Variants in ARID1A observed in about 807,000 individuals in gnomAD.
The protein encoded by ARID1A is AT-rich interaction domain 1A.
A neutral mutation model predicts 212.6 loss-of-function variants in ARID1A; 20 were observed. The observed-to-expected ratio is 0.09, with a 90% CI of 0.07 to 0.14. ARID1A has a LOEUF of 0.14. Ranked by LOEUF, ARID1A falls within the 10% of genes least tolerant of loss-of-function variation. The pLI, the probability that ARID1A is intolerant of heterozygous loss-of-function variation, is 1.00. For missense variants in ARID1A, 2,587 were observed against 3,059.0 expected (o/e 0.85, Z 3.64); for synonymous variants, 1,376 against 1,222.1 (o/e 1.13, Z -2.63).
intron 4 of ARID1A, among the ~76,000 whole-genome samples, chr1:26,748,009 A>G (rs549395792): frequency 2.1e-4 from 32 of 152,246 alleles, no homozygotes; most frequent in African/African-American, 7.2e-4. Context: ...TTAAGATTCT[A>G]TCCATTTCTC....
At chr1:26,714,225 G>A (rs1187217792) in intron 1 of ARID1A, among the ~76,000 whole-genome samples, 1 of 152,114 alleles carries the variant, frequency 6.6e-6, no homozygotes, top group Non-Finnish European at 1.5e-5. Flanking sequence ...ATGAAGTGAG[G>A]GTCTCCTGTA....
chr1:26,768,023 C>A (rs759677852), intron 11 of ARID1A, 24 bp downstream of exon 11: 1 of 1,610,330 alleles, frequency 6.2e-7, no homozygotes, highest in Non-Finnish European at 8.5e-7. Flanking sequence ...TGACACTTGA[C>A]TGCCCCTGTG....
intron 7 of ARID1A, among the ~76,000 whole-genome samples, 167 bp from the exon 8 acceptor site, chr1:26,762,806 A>G (rs888579585): frequency 2.0e-5 from 3 of 152,198 alleles, no homozygotes; most frequent in African/African-American, 7.2e-5. Flanking sequence ...CTGCCTTTAC[A>G]TGCTTCTGGA....
In ARID1A at chr1:26,773,207, C is replaced by A; in HGVS notation, c.3716-139C>A. On this transcript the variant is annotated intron_variant, in intron 14 of 19. Coordinates refer to ENST00000324856, the MANE Select transcript of ARID1A (RefSeq NM_006015.6). ...AGTACATGCTTTTCGCTGGTTGGGGCCTCTTTAGATCTCTGTTTTGAACTT... is the reference window on the plus strand; with the variant it reads ...AGTACATGCTTTTCGCTGGTTGGGGACTCTTTAGATCTCTGTTTTGAACTT... The A allele has an allele frequency of 3.8e-6, 5 of 1,321,910 alleles. No homozygotes were observed. In the South Asian group the frequency reaches 7.5e-5, roughly 20 times the overall value. 81.9% of individuals were successfully genotyped at this position (1,321,910 alleles called of 1,614,324 possible). A position where few individuals can be genotyped will look rare whatever the true frequency, so the allele number is the denominator to read the frequency against.
chr1:26,728,334 T>C (rs1470833216), intron 1 of ARID1A, among the ~76,000 whole-genome samples: 2 of 152,200 alleles, frequency 1.3e-5, no homozygotes, highest in African/African-American at 4.8e-5. Flanking sequence ...CTACTTCCTC[T>C]ACTATAAAAC....
intron 1 of ARID1A, among the ~76,000 whole-genome samples, chr1:26,724,294 C>A (rs2080595776): frequency 6.6e-6 from 1 of 152,092 alleles, no homozygotes; most frequent in Non-Finnish European, 1.5e-5. Flanking sequence ...CTGGCCCAAC[C>A]CTCTCTGTTC....
At chr1:26,778,194 G>T (rs1245047500) in intron 19 of ARID1A, 1 of 151,970 alleles carries the variant, frequency 6.6e-6, no homozygotes, top group African/African-American at 2.4e-5. Flanking sequence ...AACCCAGGAG[G>T]CGGAGGCTGC....
At chr1:26,755,774 C>T (rs753911652) in intron 4 of ARID1A, among the ~76,000 whole-genome samples, 2 of 150,798 alleles carry the variant, frequency 1.3e-5, no homozygotes, top group East Asian at 1.9e-4. Context: ...GATGGAGTCT[C>T]GCTCTGTTGC....
At position 26,762,838 on chromosome 1, in the gene ARID1A, C is replaced by T. The variant is rs997127101; in HGVS notation, c.2420-135C>T. 7.7e-6 allele frequency: 7 copies of T among 911,606 alleles called. No homozygotes were observed. In the East Asian group the frequency reaches 8.2e-5, roughly 11 times the overall value. The allele number at this position is 911,606 out of a possible 1,614,324, so 56.5% of individuals were successfully genotyped here. The stretch of plus-strand genomic sequence containing the variant: ...TGGAATCCCCCCCTTTTTCTCATGG[C>T]GATAAAGGCTACCATGAAGTTGATC... On this transcript the variant is annotated intron_variant, in intron 7 of 19. Transcript: ENST00000324856.
chr1:26,697,569 G>A (rs2124745578), intron 1 of ARID1A, 29 bp downstream of exon 1: 2 of 1,301,212 alleles, frequency 1.5e-6, no homozygotes, highest in African/African-American at 1.5e-5. Context: ...AGGGGGCTGG[G>A]GCGAGCGTGG....
chr1:26,751,788 T>C (rs2080887344), intron 4 of ARID1A, among the ~76,000 whole-genome samples: 1 of 152,204 alleles, frequency 6.6e-6, no homozygotes, highest in African/African-American at 2.4e-5. Flanking sequence ...CTGATGTGTA[T>C]ATAGGGAGTT....
chr1:26,716,221 GAAAA>G (rs989582863), intron 1 of ARID1A, among the ~76,000 whole-genome samples: 1 of 145,448 alleles, frequency 6.9e-6, no homozygotes, highest in African/African-American at 2.5e-5. Flanking sequence ...AAAAAAAAAA[GAAAA>G]AGAAAAAAAC....
chr1:26,774,488 C>T lies in ARID1A; in HGVS notation c.4261C>T (p.Pro1421Ser), dbSNP rs1443719672. The part of the protein sequence containing the change: ...QPASQQQAAQ[P>S]SPQQDVYNQY... ...TGCCAGCCAGCAACAAGCTGCCCAG[C>T]CTTCCCCTCAGCAAGATGTATACAA... Residue 1421 changes from proline to serine, a missense_variant, in exon 18 of 20, where the codon CCT becomes TCT. By Grantham distance (74) the Pro-to-Ser change is moderately conservative. Coordinates refer to ENST00000324856, the MANE Select transcript of ARID1A (RefSeq NM_006015.6). This position sits in a 1 kb window ranked among gnomAD's most constrained non-coding sequence, Gnocchi z 5.6. The T allele has an allele frequency of 6.2e-7, 1 of 1,613,604 alleles. No homozygotes were observed. The highest frequency in any genetic ancestry group is 1.3e-5 in the African/African-American group (1 of 75,054).
Position 26,696,484 on chromosome 1 carries a change from C to A in ARID1A, c.81C>A (p.Ala27=), listed in dbSNP as rs1039830124. 1 of 1,249,478 alleles carries A rather than the reference C, an allele frequency of 8.0e-7. No homozygotes were observed. The allele number at this position is 1,249,478 out of a possible 1,614,324, so 77.4% of individuals were successfully genotyped here. A position where few individuals can be genotyped will look rare whatever the true frequency, so the allele number is the denominator to read the frequency against. Residue 27 remains alanine, a synonymous_variant, in exon 1 of 20, where the codon GCC becomes GCA. Coordinates refer to ENST00000324856, the MANE Select transcript of ARID1A (RefSeq NM_006015.6). ...PPPPPSELKK[A]EQQQREEAGG... ...CGCCGCCCTCGGAGCTGAAGAAAGC[C>A]GAGCAGCAGCAGCGGGAGGAGGCGG...
At chr1:26,768,975 ACAGT>A (rs2081061459) in intron 11 of ARID1A, among the ~76,000 whole-genome samples, 3 of 152,260 alleles carry the variant, frequency 2.0e-5, no homozygotes, top group South Asian at 4.1e-4. Flanking sequence ...AAGCCAGCCA[ACAGT>A]CAGTTATGAA....
chr1:26,777,065 C>T (rs1557618112), intron 19 of ARID1A, among the ~76,000 whole-genome samples: 1 of 152,164 alleles, frequency 6.6e-6, no homozygotes, highest in Non-Finnish European at 1.5e-5. Context: ...ACAGCTACTT[C>T]CTGGAAAAGC....
rs139586976 is a variant in ARID1A, at chr1:26,743,390, C to G, written c.1920+10598C>G. Among the ~76,000 whole-genome samples, 157 of 152,270 alleles carry G rather than the reference C, an allele frequency of 1.0e-3. 1 individual carries two copies. The highest frequency in any genetic ancestry group is 1.3e-3 in the Non-Finnish European group (89 of 68,030). ...CCTCTGCTTGAACTGTATCTGACAT[C>G]TGTCATGTTGTGCCCAGAACAGGCA... On this transcript the variant is annotated intron_variant, in intron 4 of 19. Coordinates refer to ENST00000324856, the MANE Select transcript of ARID1A (RefSeq NM_006015.6).
chr1:26,696,862 C>G lies in ARID1A; in HGVS notation c.459C>G (p.Pro153=). 1 of 1,356,026 alleles carries G rather than the reference C, an allele frequency of 7.4e-7. No individual in the cohort carries two copies. Among genetic ancestry groups the G allele is most frequent in the Non-Finnish European group, 9.5e-7 (1 of 1,056,220 alleles). 84.0% of individuals were successfully genotyped at this position (1,356,026 alleles called of 1,614,324 possible). The change falls in exon 1 of 20, where the codon CCC becomes CCG. Residue 153 remains proline, a synonymous_variant. Transcript: ENST00000324856. ...CCCCAGCCTACGGCTTCGGGCAACC[C>G]TACGGCCGGAGCCCGTCTGCCGTCG... The part of the protein sequence containing the change: ...LPPPAYGFGQ[P]YGRSPSAVAA...
At position 26,696,941 on chromosome 1, in the gene ARID1A, G is replaced by A. The variant is rs1157793398; in HGVS notation, c.538G>A (p.Gly180Ser). The A allele has an allele frequency of 2.1e-6, 3 of 1,453,720 alleles. No homozygotes were observed. Among genetic ancestry groups the A allele is most frequent in the Admixed American group, 3.1e-5 (1 of 32,664 alleles). 90.1% of individuals were successfully genotyped at this position (1,453,720 alleles called of 1,614,324 possible). ...HQQHGGQQSP[G>S]LAALQSGGGG... ...ACAACATGGCGGACAACAAAGCCCTGGCCTGGCAGCGCTGCAGAGCGGCGG... is the reference window on the plus strand; with the variant it reads ...ACAACATGGCGGACAACAAAGCCCTAGCCTGGCAGCGCTGCAGAGCGGCGG... Residue 180 changes from glycine to serine, a missense_variant, in exon 1 of 20, where the codon GGC becomes AGC. Physicochemically the swap from Gly to Ser is moderately conservative, Grantham distance 56. Coordinates refer to ENST00000324856, the MANE Select transcript of ARID1A (RefSeq NM_006015.6).
Sources: gnomAD v4.1 joint callset for allele counts (sites outside exome capture counted in the v4.1 genomes callset) on GRCh38, gnomAD v4.1.1 for gene constraint, Gnocchi (gnomAD v3.1) non-coding constraint, MANE v1.5 for transcripts, NCBI Gene and HGNC (gene_info 2026-07-23, HGNC 2026-07-21) for gene names.